The following GALNTL6 variants were observed in gnomAD, a reference collection of about 807,000 sequenced individuals.
GALNTL6 encodes polypeptide N-acetylgalactosaminyltransferase-like 6.
GALNTL6 carries 46 observed loss-of-function variants against 73.7 expected under a neutral mutation model. That is an observed-to-expected ratio of 0.62 (90% CI 0.49 to 0.80). The LOEUF (loss-of-function observed/expected upper bound fraction) is 0.80, where lower values mean the gene tolerates loss of function less well. GALNTL6 is among the 30% of genes least tolerant of loss of function. The pLI, the probability that GALNTL6 is intolerant of heterozygous loss-of-function variation, is 0.00. For missense variants in GALNTL6, 604 were observed against 755.0 expected (o/e 0.80, Z 2.34); for synonymous variants, 259 against 263.7 (o/e 0.98, Z 0.17).
chr4:172,425,691 T>C (rs564321642), intron 5 of GALNTL6, among the ~76,000 whole-genome samples: 6 of 152,152 alleles, frequency 3.9e-5, no homozygotes, highest in African/African-American at 1.4e-4. Flanking sequence ...GTATGGCAAA[T>C]AAGTTTAGGG....
rs530555730 is a variant in GALNTL6, at chr4:172,634,317, T to A, written c.554-175044T>A. 6.0e-4 allele frequency among the ~76,000 whole-genome samples: 92 copies of A among 152,308 alleles called. 1 individual carries two copies. In the South Asian group the frequency reaches 0.016, roughly 26 times the overall value. On this transcript the variant is annotated intron_variant, in intron 5 of 12. Transcript: ENST00000506823. The stretch of plus-strand genomic sequence containing the variant: ...GAAACATGGCTCAAAGACATGTTTT[T>A]TATGGTCCACACAGTAGCCAATAAC...
intron 3 of GALNTL6, among the ~76,000 whole-genome samples, chr4:172,268,982 A>G (rs2111052341): frequency 6.6e-6 from 1 of 152,244 alleles, no homozygotes; most frequent in East Asian, 1.9e-4. Flanking sequence ...GACTAAGAGG[A>G]AGCCCTTTAG....
intron 2 of GALNTL6, among the ~76,000 whole-genome samples, chr4:171,957,769 C>A (rs1163270109): frequency 6.6e-6 from 1 of 152,144 alleles, no homozygotes; most frequent in East Asian, 1.9e-4. Context: ...ACAATCCATT[C>A]TCTCCCTTTA....
At chr4:172,660,102 T>G (rs2111176501) in intron 5 of GALNTL6, among the ~76,000 whole-genome samples, 1 of 152,364 alleles carries the variant, frequency 6.6e-6, no homozygotes, top group South Asian at 2.1e-4. Context: ...AATACGTTGC[T>G]TTTTAGAAAA....
At chr4:172,099,840 C>T (rs769299095) in intron 2 of GALNTL6, among the ~76,000 whole-genome samples, 1 of 152,094 alleles carries the variant, frequency 6.6e-6, no homozygotes, top group African/African-American at 2.4e-5. Context: ...CATGAAACCA[C>T]GATCATTTTC....
At chr4:171,821,635 T>G (rs1734686415) in intron 2 of GALNTL6, among the ~76,000 whole-genome samples, 1 of 82,046 alleles carries the variant, frequency 1.2e-5, no homozygotes, top group African/African-American at 5.7e-5. Flanking sequence ...TAACAAGGCT[T>G]AACGGATATA....
chr4:172,715,521 G>GGT (rs10623797), intron 5 of GALNTL6, among the ~76,000 whole-genome samples: 122,939 of 152,020 alleles, frequency 0.81, 50,398 homozygotes, highest in Middle Eastern at 0.93. Context: ...GTAAGGAGGT[G>GGT]GTAGTATTGT....
chr4:172,373,207 G>A (rs890073753), intron 5 of GALNTL6, among the ~76,000 whole-genome samples: 17 of 152,212 alleles, frequency 1.1e-4, no homozygotes, highest in African/African-American at 2.9e-4. Flanking sequence ...AAGTTGGGAC[G>A]TGTGGTCTGT....
chr4:172,779,267 C>T (rs1300204430), intron 5 of GALNTL6, among the ~76,000 whole-genome samples: 2 of 152,088 alleles, frequency 1.3e-5, no homozygotes, highest in Admixed American at 1.3e-4. Flanking sequence ...AAGAGTGTGG[C>T]AATTGGTATA....
chr4:171,999,877 T>C (rs1018007578), intron 2 of GALNTL6, among the ~76,000 whole-genome samples: 1 of 152,190 alleles, frequency 6.6e-6, no homozygotes, highest in Non-Finnish European at 1.5e-5. Context: ...TCTTCATAGA[T>C]CTCCAATTAC....
At chr4:172,497,576 A>AGATGC (rs1173339418) in intron 5 of GALNTL6, among the ~76,000 whole-genome samples, 1 of 152,220 alleles carries the variant, frequency 6.6e-6, no homozygotes, top group East Asian at 1.9e-4. Context: ...CAGTCTTATT[A>AGATGC]TTAGGTCCCT....
At chr4:172,838,813 A>G (rs1560985546) in intron 7 of GALNTL6, among the ~76,000 whole-genome samples, 2 of 152,196 alleles carry the variant, frequency 1.3e-5, no homozygotes, top group Non-Finnish European at 2.9e-5. Context: ...TTTTTGCCTA[A>G]TTATAATAAA....
chr4:172,952,725 A>G (rs1446673018), intron 10 of GALNTL6, among the ~76,000 whole-genome samples: 1 of 152,200 alleles, frequency 6.6e-6, no homozygotes, highest in South Asian at 2.1e-4. Context: ...CATTTTGGCC[A>G]GGCTAGTCTC....
At chr4:172,428,973 A>G (rs971270241) in intron 5 of GALNTL6, among the ~76,000 whole-genome samples, 1 of 152,076 alleles carries the variant, frequency 6.6e-6, no homozygotes, top group African/African-American at 2.4e-5. Flanking sequence ...TGGGAAGTCC[A>G]AGATCAAGGT....
Position 172,251,602 on chromosome 4 carries a change from G to A in GALNTL6, c.247+21838G>A, listed in dbSNP as rs137907086. ...AGCCTTTAAAATGATCAATTCTAGG[G>A]ACAGAGGGGCTTCCTACTGATATCC... On this transcript the variant is annotated intron_variant, in intron 3 of 12. Transcript: ENST00000506823. Among the ~76,000 whole-genome samples, 697 of 152,236 alleles carry A rather than the reference G, an allele frequency of 4.6e-3. 7 individuals are homozygous for A. Among genetic ancestry groups the A allele is most frequent in the African/African-American group, 0.016 (659 of 41,552 alleles).
rs1740311306 is a variant in GALNTL6, at chr4:172,647,948, A to G, written c.554-161413A>G. Among the ~76,000 whole-genome samples the G allele has an allele frequency of 2.0e-5, 3 of 152,134 alleles. No individual in the cohort carries two copies. The South Asian group carries it at 6.2e-4, about 32-fold the overall frequency. ...TTGTCAAGGAAGCCACCCACTATTC[A>G]ATATCTGAAACAAACTAACAAGGCT... On this transcript the variant is annotated intron_variant, in intron 5 of 12. Coordinates refer to ENST00000506823, the MANE Select transcript of GALNTL6 (RefSeq NM_001034845.3).
At chr4:172,540,054 T>TC (rs1265579174) in intron 5 of GALNTL6, among the ~76,000 whole-genome samples, 15 of 145,088 alleles carry the variant, frequency 1.0e-4, no homozygotes, top group Admixed American at 6.2e-4. Flanking sequence ...TTTCTTTCTT[T>TC]TTTTTTTTTT....
At chr4:172,690,285 C>T (rs1733189352) in intron 5 of GALNTL6, among the ~76,000 whole-genome samples, 1 of 151,954 alleles carries the variant, frequency 6.6e-6, no homozygotes, top group South Asian at 2.1e-4. Context: ...CCAATTTAAC[C>T]CCAAATTCTA....
intron 2 of GALNTL6, among the ~76,000 whole-genome samples, chr4:172,117,886 C>T (rs1733029707): frequency 6.6e-6 from 1 of 152,086 alleles, no homozygotes; most frequent in Non-Finnish European, 1.5e-5. Flanking sequence ...ATCAGAACAA[C>T]TGCCAATTCT....
Sources: allele counts gnomAD v4.1 joint callset (sites outside exome capture counted in the v4.1 genomes callset), GRCh38; gene constraint gnomAD v4.1.1; transcripts MANE v1.5; gene names NCBI Gene and HGNC (gene_info 2026-07-23, HGNC 2026-07-21).